Variants in KIF1B observed in about 807,000 individuals in gnomAD.
KIF1B encodes the protein kinesin-like protein KIF1B.
KIF1B carries 76 observed loss-of-function variants against 241.9 expected under a neutral mutation model. The ratio of observed to expected loss-of-function variants is 0.31; its 90% CI spans 0.26 to 0.38. The LOEUF is 0.38. KIF1B is among the 10% of genes least tolerant of loss of function. The pLI, the probability that KIF1B is intolerant of heterozygous loss-of-function variation, is 1.00. For missense variants in KIF1B, 1,622 were observed against 2,271.4 expected (o/e 0.71, Z 5.81); for synonymous variants, 750 against 796.7 (o/e 0.94, Z 0.99).
intron 22 of KIF1B, among the ~76,000 whole-genome samples, chr1:10,318,142 A>G (rs998617357): frequency 6.6e-6 from 1 of 151,214 alleles, no homozygotes; most frequent in African/African-American, 2.5e-5. Flanking sequence ...TAGTAAAGCT[A>G]TGTAGTTGGT....
chr1:10,325,329 C>T (rs1169204590), intron 26 of KIF1B, among the ~76,000 whole-genome samples: 1 of 152,152 alleles, frequency 6.6e-6, no homozygotes, highest in Middle Eastern at 3.4e-3. Flanking sequence ...ATTAATTGCA[C>T]CTTGGTAGTC....
chr1:10,213,233 A>G (rs1646721107), intron 1 of KIF1B, among the ~76,000 whole-genome samples: 1 of 152,096 alleles, frequency 6.6e-6, no homozygotes, highest in Non-Finnish European at 1.5e-5. Context: ...ATCAGACCTG[A>G]TTGTGAATCT....
intron 26 of KIF1B, 122 bp from the exon 27 acceptor site, chr1:10,325,989 C>A: frequency 1.5e-6 from 2 of 1,309,744 alleles, no homozygotes; most frequent in South Asian, 1.2e-5. Flanking sequence ...TTTGCTTTTC[C>A]ATTTGCTTTT....
intron 22 of KIF1B, among the ~76,000 whole-genome samples, chr1:10,319,023 G>A (rs1557711151): frequency 6.6e-6 from 1 of 151,652 alleles, no homozygotes; most frequent in African/African-American, 2.4e-5. Context: ...TGGCCCCTTT[G>A]GGGTGATATT....
intron 2 of KIF1B, among the ~76,000 whole-genome samples, chr1:10,246,045 A>C (rs539804651): frequency 6.6e-6 from 1 of 152,108 alleles, no homozygotes; most frequent in East Asian, 1.9e-4. Flanking sequence ...GATGGTGATA[A>C]CTCCCAGATT....
At position 10,360,995 on chromosome 1, in the gene KIF1B, G is replaced by A. The variant is rs1315084729; in HGVS notation, c.4122G>A (p.Val1374=). 1.9e-6 allele frequency: 3 copies of A among 1,614,022 alleles called. No homozygotes were observed. Among genetic ancestry groups the A allele is most frequent in the Non-Finnish European group, 1.7e-6 (2 of 1,179,970 alleles). ...ATAACTCCCTTCTTCTGAACCGAGT[G>A]ACACCCTATGGAGAAAAGATCTACA... ...SLHNSLLLNR[V]TPYGEKIYMT... Residue 1374 remains valine (V), a synonymous_variant, in exon 39 of 49, where the codon GTG becomes GTA. Transcript: ENST00000676179.
chr1:10,326,173 T>G lies in KIF1B; in HGVS notation c.2738T>G (p.Phe913Cys), dbSNP rs780999594. The change falls in exon 27 of 49, where the codon TTT becomes TGT. Residue 913 changes from phenylalanine to cysteine, a missense_variant. Phe to Cys is a radical substitution (Grantham distance 205, BLOSUM62 -2). This residue lies in a region of KIF1B where 803 missense variants were observed against 1,112.0 expected (regional missense o/e 0.72). Coordinates refer to ENST00000676179, the MANE Select transcript of KIF1B (RefSeq NM_001365951.3). This position sits in a 1 kb window ranked among gnomAD's most constrained non-coding sequence, Gnocchi z 5.2. ...RLADRTPSPT[F>C]STADSDITEL... Reference sequence around the variant, plus strand: ...GCCGACCGCACACCCTCCCCCACTTTTTCCACGGCCGATTCCGACATCACT... The same window carrying G: ...GCCGACCGCACACCCTCCCCCACTTGTTCCACGGCCGATTCCGACATCACT... 6.2e-7 allele frequency: 1 copy of G among 1,614,150 alleles called. No individual in the cohort carries two copies. The highest frequency in any genetic ancestry group is 1.1e-5 in the South Asian group (1 of 91,084).
At chr1:10,338,877 T>C (rs1652281902) in intron 31 of KIF1B, among the ~76,000 whole-genome samples, 1 of 152,242 alleles carries the variant, frequency 6.6e-6, no homozygotes, top group Admixed American at 6.5e-5. Context: ...GGCAAAAGCA[T>C]GCTAGTGTTC....
chr1:10,353,519 G>A (rs1049684959), intron 38 of KIF1B, among the ~76,000 whole-genome samples: 2 of 152,084 alleles, frequency 1.3e-5, no homozygotes, highest in African/African-American at 2.4e-5. Context: ...AAACAGGAGC[G>A]GCTGCCTCTT....
At chr1:10,280,400 TTATTTTTA>T (rs1458047448) in intron 14 of KIF1B, among the ~76,000 whole-genome samples, 2 of 151,960 alleles carry the variant, frequency 1.3e-5, no homozygotes, top group Non-Finnish European at 2.9e-5. Context: ...CACGCCCAGC[TTATTTTTA>T]TATTTTTAAT....
At chr1:10,302,169 T>C (rs965503025) in intron 22 of KIF1B, among the ~76,000 whole-genome samples, 1 of 152,254 alleles carries the variant, frequency 6.6e-6, no homozygotes, top group African/African-American at 2.4e-5. Flanking sequence ...TGGGGAATTT[T>C]AAATTATATT....
chr1:10,361,072 C>A, intron 39 of KIF1B, 29 bp downstream of exon 39: 1 of 1,377,890 alleles, frequency 7.3e-7, no homozygotes, highest in Non-Finnish European at 1.0e-6. Context: ...TCAGTTGATG[C>A]CAACAGTCAG....
chr1:10,289,630 T>C (rs1447827887), intron 15 of KIF1B, among the ~76,000 whole-genome samples: 6 of 152,154 alleles, frequency 3.9e-5, no homozygotes, highest in Admixed American at 3.3e-4. Flanking sequence ...ACACCTGTAA[T>C]CCCAGCACTT....
chr1:10,291,017 T>A, intron 15 of KIF1B, 65 bp from the exon 16 acceptor site: 1 of 1,319,890 alleles, frequency 7.6e-7, no homozygotes, highest in South Asian at 1.2e-5. Flanking sequence ...GCTTCTTGCT[T>A]TTCTAGCATG....
intron 44 of KIF1B, among the ~76,000 whole-genome samples, chr1:10,370,250 T>G (rs1431846657): frequency 6.7e-6 from 1 of 149,750 alleles, no homozygotes; most frequent in Non-Finnish European, 1.5e-5. Flanking sequence ...ACTTCGTCTC[T>G]CCAAAAATAA....
At chr1:10,302,215 C>T (rs1236218310) in intron 22 of KIF1B, among the ~76,000 whole-genome samples, 1 of 151,788 alleles carries the variant, frequency 6.6e-6, no homozygotes. Context: ...TATTTTTGTT[C>T]GGGTAATTTA....
At chr1:10,308,259 T>TC in intron 22 of KIF1B, 1 of 1,060,706 alleles carries the variant, frequency 9.4e-7, no homozygotes, top group Admixed American at 5.4e-5. Context: ...CAAGCATTTG[T>TC]CCTGTACTGT....
Position 10,377,797 on chromosome 1 carries a change from A to ATGG in KIF1B, c.*1214_*1216dup, listed in dbSNP as rs1027228970. 1 of 183,182 alleles carries ATGG rather than the reference A, an allele frequency of 5.5e-6. No individual in the cohort carries two copies. Among genetic ancestry groups the ATGG allele is most frequent in the African/African-American group, 2.4e-5 (1 of 42,480 alleles). 11.3% of individuals were successfully genotyped at this position (183,182 alleles called of 1,614,324 possible). On this transcript the variant is annotated 3_prime_UTR_variant, in exon 49 of 49. Coordinates refer to ENST00000676179, the MANE Select transcript of KIF1B (RefSeq NM_001365951.3). ...ACTAAAAATACAAAATTAGTCGGGTATGGTGGCACATGCCTGTAATTCCAG... is the reference window on the plus strand; with the variant it reads ...ACTAAAAATACAAAATTAGTCGGGTATGGTGGTGGCACATGCCTGTAATTCCAG...
intron 5 of KIF1B, among the ~76,000 whole-genome samples, chr1:10,264,430 C>T (rs1023295667): frequency 6.6e-6 from 1 of 152,170 alleles, no homozygotes. Flanking sequence ...GAATGGAGCA[C>T]ATGAACTTTT....
Sources: allele counts gnomAD v4.1 joint callset (sites outside exome capture counted in the v4.1 genomes callset), GRCh38; gene constraint gnomAD v4.1.1; regional missense constraint gnomAD v4.1.1; non-coding constraint Gnocchi (gnomAD v3.1); transcripts MANE v1.5; gene names NCBI Gene and HGNC (gene_info 2026-07-23, HGNC 2026-07-21).